Variants in CHST11 observed in about 807,000 individuals in gnomAD.
CHST11 encodes C4S-1.
Under a neutral mutation model 30.4 loss-of-function variants are expected in CHST11, and 9 were observed. That is an observed-to-expected ratio of 0.30 (90% confidence interval 0.18 to 0.52). The LOEUF (loss-of-function observed/expected upper bound fraction) is 0.52, where lower values mean the gene tolerates loss of function less well. Ranked by LOEUF, CHST11 falls within the 20% of genes least tolerant of loss-of-function variation. The pLI, the probability that CHST11 is intolerant of heterozygous loss-of-function variation, is 0.97. For missense variants in CHST11, 348 were observed against 460.6 expected, an observed-to-expected ratio of 0.76 and a Z score of 2.24; for synonymous variants, 152 against 187.8, an observed-to-expected ratio of 0.81 and a Z score of 1.56.
chr12:104,609,619 G>A (rs116658653), intron 2 of CHST11, among the ~76,000 whole-genome samples: 24 of 152,360 alleles, frequency 1.6e-4, no homozygotes, highest in African/African-American at 5.3e-4. Flanking sequence ...TCCCAGCCCA[G>A]CTGTATGACC....
chr12:104,608,196 G>T (rs2039025209), intron 2 of CHST11, among the ~76,000 whole-genome samples: 2 of 152,058 alleles, frequency 1.3e-5, no homozygotes, highest in Non-Finnish European at 2.9e-5. Flanking sequence ...CCTACTCCCT[G>T]GTACTAAAAG....
chr12:104,512,128 C>T (rs1229403911), intron 1 of CHST11, among the ~76,000 whole-genome samples: 1 of 151,944 alleles, frequency 6.6e-6, no homozygotes, highest in Non-Finnish European at 1.5e-5. Context: ...GATGCAGAAC[C>T]TGAAGTTATA....
At chr12:104,550,093 A>G (rs1444848175) in intron 1 of CHST11, among the ~76,000 whole-genome samples, 1 of 152,202 alleles carries the variant, frequency 6.6e-6, no homozygotes, top group Non-Finnish European at 1.5e-5. Flanking sequence ...TGGTAAAACT[A>G]GAGGCACCCC....
intron 2 of CHST11, among the ~76,000 whole-genome samples, chr12:104,689,341 G>C (rs544998510): frequency 3.3e-4 from 50 of 152,284 alleles, no homozygotes; most frequent in African/African-American, 1.2e-3. Context: ...TTTTTCCATG[G>C]CCAAGGATAG....
chr12:104,717,540 G>A (rs935574012), intron 2 of CHST11, among the ~76,000 whole-genome samples: 7 of 152,150 alleles, frequency 4.6e-5, no homozygotes, highest in Admixed American at 1.3e-4. Context: ...TTGGGAGGCC[G>A]AGGCAGGGGG....
chr12:104,662,095 G>C (rs1328485083), intron 2 of CHST11, among the ~76,000 whole-genome samples: 1 of 152,152 alleles, frequency 6.6e-6, no homozygotes, highest in East Asian at 1.9e-4. Context: ...TTAAAGTCAA[G>C]GATACGTGTT....
At chr12:104,565,670 C>T (rs774396995) in intron 1 of CHST11, among the ~76,000 whole-genome samples, 8 of 152,092 alleles carry the variant, frequency 5.3e-5, no homozygotes, top group African/African-American at 9.7e-5. Context: ...CTTCAGGCAG[C>T]GGGGCAGGGA....
At chr12:104,717,303 G>A (rs2040138644) in intron 2 of CHST11, among the ~76,000 whole-genome samples, 1 of 152,160 alleles carries the variant, frequency 6.6e-6, no homozygotes, top group African/African-American at 2.4e-5. Context: ...GAAAGTGAAT[G>A]AAGGAATTCT....
chr12:104,721,444 G>A (rs1167042294), intron 2 of CHST11, among the ~76,000 whole-genome samples: 3 of 152,150 alleles, frequency 2.0e-5, no homozygotes, highest in Non-Finnish European at 2.9e-5. Flanking sequence ...GAGTCAGATC[G>A]GTTCATGTAT....
chr12:104,553,400 T>TA (rs1358662025), intron 1 of CHST11: 1 of 152,236 alleles, frequency 6.6e-6, no homozygotes, highest in East Asian at 1.9e-4. Context: ...AGTCTGATCT[T>TA]ACACTGCTAT....
chr12:104,580,746 G>C (rs954692225), intron 1 of CHST11, among the ~76,000 whole-genome samples: 1 of 152,126 alleles, frequency 6.6e-6, no homozygotes, highest in Non-Finnish European at 1.5e-5. Context: ...TTGGAAGGAA[G>C]GGGAATTTTC....
At chr12:104,717,837 C>T (rs897695562) in intron 2 of CHST11, among the ~76,000 whole-genome samples, 1 of 151,940 alleles carries the variant, frequency 6.6e-6, no homozygotes, top group African/African-American at 2.4e-5. Flanking sequence ...GTAATCCCAG[C>T]TACTTGGGAG....
intron 1 of CHST11, among the ~76,000 whole-genome samples, chr12:104,563,036 G>GTTGT (rs763825096): frequency 7.2e-5 from 11 of 152,034 alleles, no homozygotes; most frequent in Middle Eastern, 3.4e-3. Context: ...TTTTGTTGTT[G>GTTGT]TTGTTTGTTT....
intron 2 of CHST11, among the ~76,000 whole-genome samples, chr12:104,703,234 A>C (rs2040004727): frequency 6.6e-6 from 1 of 152,140 alleles, no homozygotes; most frequent in South Asian, 2.1e-4. Context: ...TCCTGTTCTT[A>C]GCATGAGGCA....
chr12:104,694,814 T>C lies in CHST11; in HGVS notation c.205-62135T>C, dbSNP rs566287589. Among the ~76,000 whole-genome samples, 4 of 152,316 alleles carry C rather than the reference T, an allele frequency of 2.6e-5. No homozygotes were observed. In the East Asian group the frequency reaches 7.7e-4, roughly 29 times the overall value. ...TGGAGTTTCCTGCCTTCTTCTGGCA[T>C]CAGAACTTTATGCCTGCTCTGTGTT... is the stretch of plus-strand genomic sequence containing the variant. On this transcript the variant is annotated intron_variant, in intron 2 of 2. Transcript: ENST00000303694.
intron 1 of CHST11, among the ~76,000 whole-genome samples, chr12:104,495,120 A>G (rs1415841136): frequency 6.6e-6 from 1 of 152,180 alleles, no homozygotes; most frequent in Non-Finnish European, 1.5e-5. Context: ...TAATGTCCTC[A>G]GAGTTCGTCC....
rs1487127783 is a variant in CHST11 at position 104,729,326 on chromosome 12, T to C, written c.205-27623T>C. On this transcript the variant is annotated intron_variant, in intron 2 of 2. Coordinates refer to ENST00000303694, the MANE Select transcript of CHST11 (RefSeq NM_018413.6). The surrounding 1 kb of genome is among the most constrained non-coding windows in gnomAD (Gnocchi z 4.0). The stretch of plus-strand genomic sequence containing the variant: ...CTTCCTGTCCTGACCATCTTATCAG[T>C]TGTCCTGATGCTCAAGTGAGAAGAC... Among the ~76,000 whole-genome samples, 1 of 152,194 alleles carries C rather than the reference T, an allele frequency of 6.6e-6. No homozygotes were observed. The highest frequency in any genetic ancestry group is 1.5e-5 in the Non-Finnish European group (1 of 68,026).
intron 2 of CHST11, among the ~76,000 whole-genome samples, chr12:104,670,912 G>A (rs1016641166): frequency 1.3e-5 from 2 of 151,484 alleles, no homozygotes; most frequent in African/African-American, 4.9e-5. Flanking sequence ...GCACATACAT[G>A]CACACTCACA....
intron 1 of CHST11, among the ~76,000 whole-genome samples, chr12:104,493,342 T>C (rs925913388): frequency 6.6e-6 from 1 of 152,168 alleles, no homozygotes; most frequent in East Asian, 1.9e-4. Flanking sequence ...GAAGAGAATG[T>C]TTTTGCCCTG....
Sources: gnomAD v4.1 joint callset for allele counts (sites outside exome capture counted in the v4.1 genomes callset) on GRCh38, gnomAD v4.1.1 for gene constraint, Gnocchi (gnomAD v3.1) non-coding constraint, MANE v1.5 for transcripts, NCBI Gene and HGNC (gene_info 2026-07-23, HGNC 2026-07-21) for gene names.